Variants in TEK observed in about 807,000 individuals in gnomAD.
TEK encodes the protein angiopoietin-1 receptor.
In TEK, 43 loss-of-function variants were observed where a neutral mutation model predicts 131.8. The observed-to-expected ratio is 0.33, with a 90% CI of 0.26 to 0.42. TEK has a LOEUF of 0.42. TEK is among the 10% of genes least tolerant of loss of function. TEK has a pLI of 1.00. For missense variants in TEK, 1,162 were observed against 1,384.4 expected (o/e 0.84, Z 2.55); for synonymous variants, 580 against 491.6 (o/e 1.18, Z -2.38).
chr9:27,217,785 A>AT lies in TEK; in HGVS notation c.3062+35dup, dbSNP rs111512563. 400,249 of 1,543,210 alleles carry AT rather than the reference A, an allele frequency of 0.26. 54,683 individuals are homozygous for AT. Among genetic ancestry groups the AT allele is most frequent in the African/African-American group, 0.58 (39,583 of 68,414 alleles). ...TGAGTAAACTTCTTATTGCCAAGGG[A>AT]TTTTTTTTCCCTCCCAGAAACATAT... On this transcript the variant is annotated intron_variant, in intron 19 of 22. Coordinates refer to ENST00000380036, the MANE Select transcript of TEK (RefSeq NM_000459.5).
chr9:27,162,497 C>G (rs1434583738), intron 2 of TEK, among the ~76,000 whole-genome samples: 1 of 152,184 alleles, frequency 6.6e-6, no homozygotes, highest in East Asian at 1.9e-4. Context: ...AGACCTGTTT[C>G]AAACTGATCC....
intron 12 of TEK, chr9:27,198,331 T>C (rs1825101099): frequency 6.6e-6 from 1 of 152,622 alleles, no homozygotes; most frequent in Non-Finnish European, 1.5e-5. Flanking sequence ...TCATTGATCC[T>C]GGAAGCTAAG....
At chr9:27,187,734 C>T (rs7029924) in intron 9 of TEK, among the ~76,000 whole-genome samples, 37,803 of 151,900 alleles carry the variant, frequency 0.25, 5,041 homozygotes, top group African/African-American at 0.34. Context: ...ATTTCTTCTG[C>T]GGCTTCTCTC....
At chr9:27,125,519 C>T (rs935420761) in intron 1 of TEK, among the ~76,000 whole-genome samples, 14 of 152,140 alleles carry the variant, frequency 9.2e-5, no homozygotes, top group African/African-American at 3.4e-4. Context: ...CCTACCAAGC[C>T]CATCTTTTCA....
chr9:27,128,910 A>G (rs933351060), intron 1 of TEK, among the ~76,000 whole-genome samples: 3 of 152,186 alleles, frequency 2.0e-5, no homozygotes, highest in Non-Finnish European at 2.9e-5. Flanking sequence ...ATATACAGTC[A>G]TTTCATCTGC....
chr9:27,128,952 G>A (rs1048693974), intron 1 of TEK, among the ~76,000 whole-genome samples: 5 of 152,000 alleles, frequency 3.3e-5, no homozygotes, highest in African/African-American at 1.2e-4. Context: ...CTTTTCCTAC[G>A]TGAATACCCT....
At chr9:27,209,063 C>T in intron 15 of TEK, 58 bp from the exon 16 acceptor site, 3 of 1,220,172 alleles carry the variant, frequency 2.5e-6, no homozygotes, top group Non-Finnish European at 3.6e-6. Context: ...CAGGACGGGA[C>T]AGCTGATTCT....
At chr9:27,185,819 A>G (rs1824580043) in intron 9 of TEK, among the ~76,000 whole-genome samples, 190 bp downstream of exon 9, 1 of 152,222 alleles carries the variant, frequency 6.6e-6, no homozygotes, top group South Asian at 2.1e-4. Flanking sequence ...GGAGTCACAC[A>G]GCCCCAGGTT....
At chr9:27,111,169 C>A (rs1169212740) in intron 1 of TEK, among the ~76,000 whole-genome samples, 4 of 152,112 alleles carry the variant, frequency 2.6e-5, no homozygotes, top group Admixed American at 1.3e-4. Context: ...AATACTTGTT[C>A]CATGTCTAGA....
chr9:27,145,728 T>C (rs1261952043), intron 1 of TEK, among the ~76,000 whole-genome samples: 1 of 152,192 alleles, frequency 6.6e-6, no homozygotes, highest in African/African-American at 2.4e-5. Context: ...GTTCAACTCA[T>C]ACATATTTAA....
intron 7 of TEK, among the ~76,000 whole-genome samples, chr9:27,180,963 C>A (rs1336672607): frequency 6.6e-6 from 1 of 152,098 alleles, no homozygotes; most frequent in Non-Finnish European, 1.5e-5. Flanking sequence ...ATTTACAGAG[C>A]TATGCCATCA....
At chr9:27,223,408 C>G (rs1247623283) in intron 21 of TEK, among the ~76,000 whole-genome samples, 1 of 151,990 alleles carries the variant, frequency 6.6e-6, no homozygotes, top group Non-Finnish European at 1.5e-5. Flanking sequence ...AAACGGAAAT[C>G]ATAACAGTTT....
chr9:27,132,602 T>G (rs1385172234), intron 1 of TEK, among the ~76,000 whole-genome samples: 2 of 152,330 alleles, frequency 1.3e-5, no homozygotes, highest in Non-Finnish European at 1.5e-5. Context: ...GTTTCTTTCA[T>G]AGTATTCAGT....
rs200591002 is a variant in TEK, at chr9:27,218,545, CTAGT to C, written c.3063-229_3063-226del. ...TTTGGACAGTACCACCTTGTAGTCT[CTAGT>C]TAAAGTGATTTGGGGGCTCTGGCAA... On this transcript the variant is annotated intron_variant, in intron 19 of 22. Transcript: ENST00000380036. Among the ~76,000 whole-genome samples the C allele has an allele frequency of 5.4e-3, 828 of 152,206 alleles. 5 individuals carry two copies. The highest frequency in any genetic ancestry group is 0.019 in the African/African-American group (799 of 41,514).
chr9:27,183,366 G>A, intron 7 of TEK, 93 bp from the exon 8 acceptor site: 3 of 1,389,106 alleles, frequency 2.2e-6, no homozygotes, highest in Non-Finnish European at 3.1e-6. Flanking sequence ...TTCTTGCCCG[G>A]TGCATGACTT....
chr9:27,124,954 C>G (rs891411761), intron 1 of TEK, among the ~76,000 whole-genome samples: 1 of 152,168 alleles, frequency 6.6e-6, no homozygotes, highest in Non-Finnish European at 1.5e-5. Flanking sequence ...AGCAGAAGGG[C>G]TTGAAGGAGT....
chr9:27,166,710 A>T (rs148691903), intron 2 of TEK, among the ~76,000 whole-genome samples: 5 of 152,286 alleles, frequency 3.3e-5, no homozygotes, highest in African/African-American at 1.2e-4. Context: ...CTTATGTGCC[A>T]TTATGTCGAA....
chr9:27,119,426 T>C (rs1219960159), intron 1 of TEK, among the ~76,000 whole-genome samples: 1 of 152,202 alleles, frequency 6.6e-6, no homozygotes, highest in African/African-American at 2.4e-5. Flanking sequence ...TGGTGTCTCA[T>C]ATGTTACCTT....
chr9:27,164,661 C>A (rs776427236), intron 2 of TEK, among the ~76,000 whole-genome samples: 7 of 152,096 alleles, frequency 4.6e-5, no homozygotes, highest in Non-Finnish European at 5.9e-5. Flanking sequence ...TCCTGAACAG[C>A]TGGGACTACA....
Sources: allele counts gnomAD v4.1 joint callset (sites outside exome capture counted in the v4.1 genomes callset), GRCh38; gene constraint gnomAD v4.1.1; transcripts MANE v1.5; gene names NCBI Gene and HGNC (gene_info 2026-07-23, HGNC 2026-07-21).